Variants in PTPRD observed in about 807,000 individuals in gnomAD.
The protein encoded by PTPRD is receptor-type tyrosine-protein phosphatase delta.
A neutral mutation model predicts 214.5 loss-of-function variants in PTPRD; 34 were observed. The ratio of observed to expected loss-of-function variants is 0.16; its 90% CI spans 0.12 to 0.21. The LOEUF is 0.21. Ranked by LOEUF, PTPRD falls within the 10% of genes least tolerant of loss-of-function variation. The pLI is 1.00. For missense variants in PTPRD, 2,545 were observed against 2,398.7 expected, an observed-to-expected ratio of 1.06 and a Z score of -1.27; for synonymous variants, 1,128 against 845.7, an observed-to-expected ratio of 1.33 and a Z score of -5.79.
intron 7 of PTPRD, among the ~76,000 whole-genome samples, chr9:9,592,857 C>T (rs985696882): frequency 2.8e-4 from 42 of 152,010 alleles, no homozygotes; most frequent in Non-Finnish European, 4.9e-4. Context: ...TCAGTCTGGC[C>T]GACATGGTGA....
intron 14 of PTPRD, among the ~76,000 whole-genome samples, chr9:8,546,899 T>C (rs949698662): frequency 2.0e-5 from 3 of 152,210 alleles, no homozygotes; most frequent in Admixed American, 1.3e-4. Context: ...GAGATGTTAG[T>C]AGATTTGGAG....
chr9:9,159,626 T>A (rs996117287), intron 10 of PTPRD, among the ~76,000 whole-genome samples: 2 of 152,166 alleles, frequency 1.3e-5, no homozygotes, highest in Non-Finnish European at 2.9e-5. Context: ...AAAATGCCAT[T>A]ACTACTTCAA....
At chr9:8,514,540 T>TC (rs397961128) in intron 21 of PTPRD, among the ~76,000 whole-genome samples, 1 of 151,716 alleles carries the variant, frequency 6.6e-6, no homozygotes, top group African/African-American at 2.4e-5. Flanking sequence ...TTTTTTTTTT[T>TC]CCATTTCTAA....
intron 2 of PTPRD, among the ~76,000 whole-genome samples, chr9:10,545,451 T>C (rs1330758787): frequency 6.6e-6 from 1 of 152,182 alleles, no homozygotes; most frequent in Non-Finnish European, 1.5e-5. Flanking sequence ...CAATCTGGTT[T>C]ATGGCTAATT....
chr9:8,445,457 T>C (rs1460926586), intron 34 of PTPRD, among the ~76,000 whole-genome samples: 1 of 152,218 alleles, frequency 6.6e-6, no homozygotes, highest in African/African-American at 2.4e-5. Context: ...GGTGTTTACA[T>C]ACAGTGTTTC....
chr9:8,409,526 T>A (rs73420468), intron 35 of PTPRD, among the ~76,000 whole-genome samples: 4,299 of 152,264 alleles, frequency 0.028, 200 homozygotes, highest in African/African-American at 0.099. Flanking sequence ...AATTTGCACA[T>A]CAGATTACAG....
At chr9:9,567,809 A>G (rs1367949362) in intron 8 of PTPRD, among the ~76,000 whole-genome samples, 1 of 152,038 alleles carries the variant, frequency 6.6e-6, no homozygotes, top group African/African-American at 2.4e-5. Flanking sequence ...CTAAGCCAAT[A>G]GTAAATGATC....
rs563546074 is a variant in PTPRD at position 8,493,444 on chromosome 9, CACACATATCCACTGTAACCCACAGACT to C, written c.2350-492_2350-466del. Among the ~76,000 whole-genome samples, 131 of 152,276 alleles carry C rather than the reference CACACATATCCACTGTAACCCACAGACT, an allele frequency of 8.6e-4. 1 individual carries two copies. The highest frequency in any genetic ancestry group is 3.0e-3 in the African/African-American group (124 of 41,548). On this transcript the variant is annotated intron_variant, in intron 26 of 45. Transcript: ENST00000381196. ...TGATTATTTTATGCCAACAGCTCTC[CACACATATCCACTGTAACCCACAGACT>C]ACAGATGGGGCTGATGCCAGCATAG...
chr9:10,532,017 A>G (rs1486641020), intron 2 of PTPRD: 3 of 152,132 alleles, frequency 2.0e-5, no homozygotes, highest in African/African-American at 7.2e-5. Flanking sequence ...TTATTTTAAA[A>G]TTACTCTCCC....
chr9:10,309,079 A>G lies in PTPRD; in HGVS notation c.-545+31884T>C, dbSNP rs143994698. Among the ~76,000 whole-genome samples the G allele has an allele frequency of 6.9e-4, 105 of 152,152 alleles. 1 individual carries two copies. The East Asian group carries it at 0.017, about 25-fold the overall frequency. ...ATCACCTCACTCTCCTATCAAGAGTATATATGGGTACTAGTTTTAACAAAT... is the reference window on the plus strand; with the variant it reads ...ATCACCTCACTCTCCTATCAAGAGTGTATATGGGTACTAGTTTTAACAAAT... On this transcript the variant is annotated intron_variant, in intron 3 of 45. Coordinates refer to ENST00000381196, the MANE Select transcript of PTPRD (RefSeq NM_002839.4).
intron 3 of PTPRD, among the ~76,000 whole-genome samples, chr9:10,168,360 G>A (rs774199634): frequency 6.6e-6 from 1 of 151,776 alleles, no homozygotes; most frequent in African/African-American, 2.4e-5. Flanking sequence ...CATTATAATA[G>A]GTAGTGCTGC....
At chr9:8,646,229 A>T (rs1263545353) in intron 12 of PTPRD, among the ~76,000 whole-genome samples, 2 of 152,068 alleles carry the variant, frequency 1.3e-5, no homozygotes, top group Non-Finnish European at 2.9e-5. Context: ...CCATCTGGTC[A>T]CTCTCACTTC....
rs112183983 is a variant in PTPRD, at chr9:9,097,575, A to ATT, written c.-142-78842_-142-78841dup. Among the ~76,000 whole-genome samples the ATT allele has an allele frequency of 4.4e-3, 668 of 151,400 alleles. 2 individuals carry two copies. Among genetic ancestry groups the ATT allele is most frequent in the African/African-American group, 0.015 (610 of 41,254 alleles). On this transcript the variant is annotated intron_variant, in intron 10 of 45. Coordinates refer to ENST00000381196, the MANE Select transcript of PTPRD (RefSeq NM_002839.4). ...AGGCACCTGCCACCATGCCAGGCTA[A>ATT]TTTTTTTTGTATTTTTAGTAGAGAC...
chr9:10,400,707 T>A (rs2098255687), intron 2 of PTPRD, among the ~76,000 whole-genome samples: 2 of 151,786 alleles, frequency 1.3e-5, no homozygotes, highest in African/African-American at 4.8e-5. Context: ...AGAGTAATTT[T>A]AAACATATTA....
chr9:9,154,459 G>A (rs886766868), intron 10 of PTPRD, among the ~76,000 whole-genome samples: 17 of 152,072 alleles, frequency 1.1e-4, no homozygotes, highest in African/African-American at 3.6e-4. Flanking sequence ...TCCCAAAACA[G>A]GGAGAGAGAG....
intron 9 of PTPRD, among the ~76,000 whole-genome samples, chr9:9,218,836 A>C (rs2099954001): frequency 6.6e-6 from 1 of 152,140 alleles, no homozygotes; most frequent in South Asian, 2.1e-4. Flanking sequence ...ACTACCAGAC[A>C]ATCACACCCC....
At chr9:9,783,428 T>G (rs1296639706) in intron 5 of PTPRD, among the ~76,000 whole-genome samples, 1 of 152,138 alleles carries the variant, frequency 6.6e-6, no homozygotes, top group East Asian at 1.9e-4. Context: ...TCATGACAAG[T>G]AATCCTTTAT....
At chr9:10,144,900 A>C (rs1269950645) in intron 3 of PTPRD, among the ~76,000 whole-genome samples, 2 of 152,136 alleles carry the variant, frequency 1.3e-5, no homozygotes, top group Non-Finnish European at 2.9e-5. Flanking sequence ...AAATAAAATT[A>C]GTATTAAACT....
chr9:10,187,781 C>G (rs777461797), intron 3 of PTPRD, among the ~76,000 whole-genome samples: 1 of 152,150 alleles, frequency 6.6e-6, no homozygotes, highest in Non-Finnish European at 1.5e-5. Context: ...GTAGCTGACC[C>G]CAGGACTTCA....
Sources: gnomAD v4.1 joint callset for allele counts (sites outside exome capture counted in the v4.1 genomes callset) on GRCh38, gnomAD v4.1.1 for gene constraint, MANE v1.5 for transcripts, NCBI Gene and HGNC (gene_info 2026-07-23, HGNC 2026-07-21) for gene names.